Variants in LEF1 observed in about 807,000 individuals in gnomAD.
LEF1 encodes the protein lymphoid enhancer-binding factor 1.
Under a neutral mutation model 51.2 loss-of-function variants are expected in LEF1, and 14 were observed. The observed-to-expected ratio is 0.27, with a 90% confidence interval of 0.18 to 0.43. The LOEUF (loss-of-function observed/expected upper bound fraction) is 0.43. Among genes scored for constraint, LEF1 ranks in the 20% least tolerant of loss-of-function variants. LEF1 has a pLI of 1.00. For missense variants in LEF1, 386 were observed against 512.0 expected, an observed-to-expected ratio of 0.75 and a Z score of 2.37; for synonymous variants, 185 against 183.2, an observed-to-expected ratio of 1.01 and a Z score of -0.08.
At chr4:108,135,719 C>T (rs940967838) in intron 3 of LEF1, among the ~76,000 whole-genome samples, 2 of 152,096 alleles carry the variant, frequency 1.3e-5, no homozygotes, top group Non-Finnish European at 2.9e-5. Context: ...GGCCTGCCAG[C>T]GGGGGAGTTG....
At chr4:108,134,628 T>G (rs963234446) in intron 3 of LEF1, among the ~76,000 whole-genome samples, 2 of 152,154 alleles carry the variant, frequency 1.3e-5, no homozygotes, top group African/African-American at 2.4e-5. Flanking sequence ...CAAAACAGGA[T>G]AAAAAAGAGC....
chr4:108,078,189 A>G (rs1351441863), intron 8 of LEF1, 31 bp downstream of exon 8: 1 of 1,607,234 alleles, frequency 6.2e-7, no homozygotes, highest in African/African-American at 1.3e-5. Context: ...CATGGCTACC[A>G]TGAACATTTA....
intron 5 of LEF1, among the ~76,000 whole-genome samples, chr4:108,082,626 A>G (rs1739383751): frequency 6.6e-6 from 1 of 152,176 alleles, no homozygotes; most frequent in African/African-American, 2.4e-5. Context: ...GAGAGGGAAG[A>G]GTGGAGAGAG....
rs34987010 is a variant in LEF1, at chr4:108,119,993, ATGTGTGTGTGTGTGTGTGTGTG to A, written c.415-30758_415-30737del. ...ACCATTATATGTGTATATTTTATAT[ATGTGTGTGTGTGTGTGTGTGTG>A]TGTGTGTGTGTGTGTGTATGTATGT... is the stretch of plus-strand genomic sequence containing the variant. On this transcript the variant is annotated intron_variant, in intron 3 of 11. Coordinates refer to ENST00000265165, the MANE Select transcript of LEF1 (RefSeq NM_016269.5). Among the ~76,000 whole-genome samples, 7 of 149,486 alleles carry A rather than the reference ATGTGTGTGTGTGTGTGTGTGTG, an allele frequency of 4.7e-5. No homozygotes were observed. In the East Asian group the frequency reaches 1.4e-3, roughly 29 times the overall value.
At chr4:108,155,854 C>A (rs1275895201) in intron 3 of LEF1, among the ~76,000 whole-genome samples, 1 of 152,182 alleles carries the variant, frequency 6.6e-6, no homozygotes, top group Non-Finnish European at 1.5e-5. Context: ...CACTGCCTAC[C>A]TATCTCTCCC....
At chr4:108,069,764 C>A (rs987408771) in intron 9 of LEF1, among the ~76,000 whole-genome samples, 1 of 152,032 alleles carries the variant, frequency 6.6e-6, no homozygotes, top group African/African-American at 2.4e-5. Context: ...CAAGACCAGC[C>A]TGGCCAACAT....
intron 3 of LEF1, among the ~76,000 whole-genome samples, chr4:108,136,034 G>A (rs1578385207): frequency 6.6e-6 from 1 of 152,202 alleles, no homozygotes; most frequent in Admixed American, 6.5e-5. Flanking sequence ...CTGCTCAGGG[G>A]AAGGTGATGA....
chr4:108,051,391 T>C (rs932957319), intron 11 of LEF1, among the ~76,000 whole-genome samples: 5 of 152,178 alleles, frequency 3.3e-5, no homozygotes, highest in Non-Finnish European at 7.3e-5. Context: ...GGGGGCCTTG[T>C]AGTGTTGCTT....
At chr4:108,166,890 C>T (rs1745434394) in intron 1 of LEF1, 1 of 857,010 alleles carries the variant, frequency 1.2e-6, no homozygotes, top group African/African-American at 1.8e-5. Context: ...GTCGGCTCGG[C>T]GCACCCACAG....
chr4:108,167,414 C>T lies in LEF1; in HGVS notation c.213+141G>A. On this transcript the variant is annotated intron_variant, in intron 1 of 11. Transcript: ENST00000265165. The surrounding 1 kb of genome is among the most constrained non-coding windows in gnomAD (Gnocchi z 5.7). ...CACACACTGCGGACCGGGGGCCCAG[C>T]TACGCACACACCCCAAAACAAACGA... 7.0e-6 allele frequency: 5 copies of T among 709,916 alleles called. No homozygotes were observed. The highest frequency in any genetic ancestry group is 9.5e-6 in the Non-Finnish European group (4 of 420,640). The allele number at this position is 709,916 out of a possible 1,614,324, so 44.0% of individuals were successfully genotyped here. A position where few individuals can be genotyped will look rare whatever the true frequency, so the allele number is the denominator to read the frequency against.
At chr4:108,053,167 C>G (rs1002990973) in intron 11 of LEF1, among the ~76,000 whole-genome samples, 3 of 152,188 alleles carry the variant, frequency 2.0e-5, no homozygotes, top group Admixed American at 6.5e-5. Flanking sequence ...CAGCCACCCC[C>G]AGGATATCAC....
At chr4:108,102,183 G>T (rs1487471427) in intron 3 of LEF1, among the ~76,000 whole-genome samples, 1 of 152,118 alleles carries the variant, frequency 6.6e-6, no homozygotes, top group Non-Finnish European at 1.5e-5. Context: ...CGTGCACTGG[G>T]AATCTGAAAG....
At chr4:108,106,243 A>G (rs1489394434) in intron 3 of LEF1, among the ~76,000 whole-genome samples, 1 of 152,242 alleles carries the variant, frequency 6.6e-6, no homozygotes, top group Non-Finnish European at 1.5e-5. Context: ...TCTCATCACT[A>G]TTCCCAAGAA....
At chr4:108,078,459 G>C in intron 7 of LEF1, 77 bp from the exon 8 acceptor site, 1 of 1,574,838 alleles carries the variant, frequency 6.3e-7, no homozygotes, top group African/African-American at 1.3e-5. Context: ...GAAAAGCAGA[G>C]CACCTGCTCA....
At chr4:108,059,440 C>T (rs1737527880) in intron 11 of LEF1, among the ~76,000 whole-genome samples, 1 of 152,166 alleles carries the variant, frequency 6.6e-6, no homozygotes, top group African/African-American at 2.4e-5. Flanking sequence ...TCTCAGTTTC[C>T]TGAGTAGCTG....
At chr4:108,095,178 G>A (rs1391225892) in intron 3 of LEF1, among the ~76,000 whole-genome samples, 1 of 152,120 alleles carries the variant, frequency 6.6e-6, no homozygotes, top group Non-Finnish European at 1.5e-5. Context: ...CCCAACTCTG[G>A]AGGAAAAGGG....
At chr4:108,130,604 C>T (rs1192051430) in intron 3 of LEF1, among the ~76,000 whole-genome samples, 1 of 150,746 alleles carries the variant, frequency 6.6e-6, no homozygotes, top group Non-Finnish European at 1.5e-5. Flanking sequence ...GTGGTGTGCA[C>T]CTGTAATCCC....
At chr4:108,093,761 G>GA (rs896190862) in intron 3 of LEF1, among the ~76,000 whole-genome samples, 2 of 151,550 alleles carry the variant, frequency 1.3e-5, no homozygotes. Context: ...ACTTAAAAAA[G>GA]AAAAAAAAGA....
At chr4:108,063,752 G>C in intron 10 of LEF1, 89 bp from the exon 11 acceptor site, 1 of 875,154 alleles carries the variant, frequency 1.1e-6, no homozygotes, top group East Asian at 2.6e-5. Flanking sequence ...ATGTGAACTT[G>C]TTTGCTTTAC....
Sources: gnomAD v4.1 joint callset for allele counts (sites outside exome capture counted in the v4.1 genomes callset) on GRCh38, gnomAD v4.1.1 for gene constraint, Gnocchi (gnomAD v3.1) non-coding constraint, MANE v1.5 for transcripts, NCBI Gene and HGNC (gene_info 2026-07-23, HGNC 2026-07-21) for gene names.